Variants in FUZ observed in about 807,000 individuals in gnomAD.
FUZ encodes the protein protein fuzzy homolog.
A neutral mutation model predicts 43.1 loss-of-function variants in FUZ; 31 were observed. The observed-to-expected ratio is 0.72, with a 90% CI of 0.54 to 0.97. The LOEUF is 0.97. FUZ is among the 50% of genes least tolerant of loss of function. The probability of loss-of-function intolerance (pLI) is 0.00; values close to 1 mark genes in which losing one functional copy is unlikely to be tolerated. For synonymous variants in FUZ, 274 were observed against 250.0 expected (o/e 1.10, Z -0.91); for missense variants, 539 against 543.8 (o/e 0.99, Z 0.09).
chr19:49,808,233 C>G, intron 10 of FUZ, 181 bp downstream of exon 10: 1 of 697,202 alleles, frequency 1.4e-6, no homozygotes, highest in South Asian at 1.6e-5. Context: ...AGGCGGGGAC[C>G]TCCCTTCCCC....
At chr19:49,811,286 G>T in intron 5 of FUZ, 77 bp downstream of exon 5, 1 of 978,426 alleles carries the variant, frequency 1.0e-6, no homozygotes, top group Non-Finnish European at 1.6e-6. Flanking sequence ...TTGGGACAAT[G>T]GTCCAGAAGA....
At chr19:49,812,794 G>A in intron 1 of FUZ, 58 bp from the exon 2 acceptor site, 1 of 1,600,976 alleles carries the variant, frequency 6.2e-7, no homozygotes, top group Non-Finnish European at 8.5e-7. Context: ...TCCCCCTTAG[G>A]ACCCAAGTGT....
Position 49,809,215 on chromosome 19 carries a change from T to A in FUZ, c.734A>T (p.Glu245Val). The A allele has an allele frequency of 6.4e-7, 1 of 1,551,206 alleles. No individual in the cohort carries two copies. Among genetic ancestry groups the A allele is most frequent in the Non-Finnish European group, 8.7e-7 (1 of 1,147,034 alleles). ...GCTCGGCCCGCAGAGTAGACACAGC[T>A]CCAGGCTCGGCAGCAGAGTCAGGGT... ...LLTLTLLPSL[E>V]LCLLCGPSPP... The change falls in exon 7 of 11, where the codon GAG (glutamate) becomes GTG (valine). Residue 245 changes from glutamate (E) to valine (V), a missense_variant. Physicochemically the swap from Glu to Val is moderately radical, Grantham distance 121. Transcript: ENST00000313777. The surrounding 1 kb of genome is among the most constrained non-coding windows in gnomAD (Gnocchi z 5.1).
At position 49,807,164 on chromosome 19, in the gene FUZ, G is replaced by T. The variant is rs2073426276; in HGVS notation, c.1244C>A (p.Thr415Asn). ...SLATHTLHAL[T>N]PLL is the part of the protein sequence containing the mutation. ...ACTGCTAGGTAGTCAAAGAAGTGGG[G>T]TGAGGGCATGCAGAGTGTGGGTGGC... Residue 415 changes from threonine (T) to asparagine (N), a missense_variant, in exon 11 of 11, where the codon ACC (threonine) becomes AAC (asparagine). Coordinates refer to ENST00000313777, the MANE Select transcript of FUZ (RefSeq NM_025129.5). The T allele has an allele frequency of 1.2e-6, 2 of 1,613,268 alleles. No homozygotes were observed. Among genetic ancestry groups the T allele is most frequent in the Admixed American group, 1.7e-5 (1 of 59,914 alleles).
Position 49,808,488 on chromosome 19 carries a change from T to C in FUZ, c.959A>G (p.Glu320Gly), listed in dbSNP as rs142342064. 1.2e-6 allele frequency: 2 copies of C among 1,611,256 alleles called. No homozygotes were observed. The highest frequency in any genetic ancestry group is 2.7e-5 in the African/African-American group (2 of 74,896). Residue 320 changes from glutamate to glycine, a missense_variant and splice_region_variant, in exon 10 of 11, where the codon GAG becomes GGG. By Grantham distance (98) the Glu-to-Gly change is moderately conservative. Transcript: ENST00000313777. Reference sequence around the variant, plus strand: ...GCGCCGGCGCTGTTCTGGTGAAGGCTCTGCTGGGAGGAAAAGGCGGTGATG... The same window carrying C: ...GCGCCGGCGCTGTTCTGGTGAAGGCCCTGCTGGGAGGAAAAGGCGGTGATG... ...LFTVEPLGDK[E>G]PSPEQRRRLL...
chr19:49,807,372 G>A lies in FUZ; in HGVS notation c.1036C>T (p.Pro346Ser), dbSNP rs748146105. The A allele has an allele frequency of 1.5e-5, 24 of 1,611,492 alleles. No homozygotes were observed. The Middle Eastern group carries it at 8.3e-4, about 55-fold the overall frequency. ...TCTTCTGTCTTCTCTGGTGGCCCTG[G>A]CTCTGGAGAAAGAACAGGGGGCACT... is the stretch of plus-strand genomic sequence containing the variant. ...LVTSTHFPPE[P>S]GPPEKTEDEV... The change falls in exon 11 of 11, where the codon CCA becomes TCA. Residue 346 changes from proline (P) to serine (S), a missense_variant and splice_region_variant. Coordinates refer to ENST00000313777, the MANE Select transcript of FUZ (RefSeq NM_025129.5).
At position 49,809,892 on chromosome 19, in the gene FUZ, C is replaced by G; in HGVS notation, c.493-317G>C. 2.2e-6 allele frequency: 1 copy of G among 457,340 alleles called. No individual in the cohort carries two copies. Among genetic ancestry groups the G allele is most frequent in the Non-Finnish European group, 4.0e-6 (1 of 247,748 alleles). 28.3% of individuals were successfully genotyped at this position (457,340 alleles called of 1,614,324 possible). ...CATGCCGAGTAGGCACCATTAGCAA[C>G]GTAGAGAAGCCAAGTCACCTGCTGA... On this transcript the variant is annotated intron_variant, in intron 5 of 10. Transcript: ENST00000313777. The surrounding 1 kb of genome is among the most constrained non-coding windows in gnomAD (Gnocchi z 5.1).
In FUZ at chr19:49,812,641, AGTCGT is replaced by A; in HGVS notation, c.202_206del (p.Thr68CysfsTer8). 3.1e-6 allele frequency: 5 copies of A among 1,614,018 alleles called. No homozygotes were observed. Among genetic ancestry groups the A allele is most frequent in the Non-Finnish European group, 4.2e-6 (5 of 1,179,994 alleles). On this transcript the variant is annotated frameshift_variant, in exon 2 of 11. Transcript: ENST00000313777. LOFTEE classifies it high-confidence loss of function. ...TGTCATGGAAGCTTTTCCACACCAC[AGTCGT>A]GTTCTCGGTCCTCGCAGAGCTCAGC...
intron 10 of FUZ, 75 bp downstream of exon 10, chr19:49,808,339 T>C: frequency 6.8e-7 from 1 of 1,471,876 alleles, no homozygotes; most frequent in Non-Finnish European, 9.3e-7. Flanking sequence ...CAACCCCACC[T>C]CCTACTCCCA....
intron 2 of FUZ, 27 bp downstream of exon 2, chr19:49,812,588 C>A: frequency 6.2e-7 from 1 of 1,614,098 alleles, no homozygotes; most frequent in South Asian, 1.1e-5. Flanking sequence ...CAGGCCCTGT[C>A]CCTGTCCCAC....
At chr19:49,811,326 A>T in intron 5 of FUZ, 37 bp downstream of exon 5, 1 of 1,420,692 alleles carries the variant, frequency 7.0e-7, no homozygotes, top group Non-Finnish European at 9.8e-7. Context: ...CAGGGCCAGC[A>T]GAACAGGTGT....
In FUZ at chr19:49,808,814, GC is replaced by G; in HGVS notation, c.795del (p.Glu265AspfsTer42). The G allele has an allele frequency of 6.5e-7, 1 of 1,549,614 alleles. No homozygotes were observed. The highest frequency in any genetic ancestry group is 1.7e-4 in the Middle Eastern group (1 of 5,996). ...GGGTCCAGCAGTGGCTGCCACCAGCGCTCCAGAAGCTGCAGGGGGCGTGGTC... is the reference window on the plus strand; with the variant it reads ...GGGTCCAGCAGTGGCTGCCACCAGCGTCCAGAAGCTGCAGGGGGCGTGGTC... ...PLSQLYPQLL[E>X]RWWQPLLDPL... On this transcript the variant is annotated frameshift_variant, in exon 8 of 11. Coordinates refer to ENST00000313777, the MANE Select transcript of FUZ (RefSeq NM_025129.5). LOFTEE classifies it high-confidence loss of function.
At position 49,806,889 on chromosome 19, in the gene FUZ, C is replaced by T. The variant is rs2123777169; in HGVS notation, c.*262G>A. On this transcript the variant is annotated 3_prime_UTR_variant, in exon 11 of 11. Coordinates refer to ENST00000313777, the MANE Select transcript of FUZ (RefSeq NM_025129.5). ...GGTTTGGGGGATGCCTGGGACTTTC[C>T]TCCGGCCTTTTGTATTTTTATTTTT... The T allele has an allele frequency of 6.5e-7, 1 of 1,548,760 alleles. No individual in the cohort carries two copies. The highest frequency in any genetic ancestry group is 8.7e-7 in the Non-Finnish European group (1 of 1,151,754).
chr19:49,808,500 A>C lies in FUZ; in HGVS notation c.959-12T>G. 6.2e-7 allele frequency: 1 copy of C among 1,609,148 alleles called. No homozygotes were observed. Among genetic ancestry groups the C allele is most frequent in the South Asian group, 1.1e-5 (1 of 90,358 alleles). On this transcript the variant is annotated splice_polypyrimidine_tract_variant and intron_variant, in intron 9 of 10. Transcript: ENST00000313777. The stretch of plus-strand genomic sequence containing the variant: ...TTCTGGTGAAGGCTCTGCTGGGAGG[A>C]AAAGGCGGTGATGCAGAGCGCCTCC...
At chr19:49,810,785 G>GCTCACTACAT (rs2073738487) in intron 5 of FUZ, among the ~76,000 whole-genome samples, 5 of 152,192 alleles carry the variant, frequency 3.3e-5, no homozygotes, top group African/African-American at 9.6e-5. Context: ...AGGAGTTCAA[G>GCTCACTACAT]GCTGCAGTGA....
At chr19:49,808,092 T>G in intron 10 of FUZ, 1 of 417,898 alleles carries the variant, frequency 2.4e-6, no homozygotes, top group Non-Finnish European at 4.5e-6. Context: ...ATGGGAATGA[T>G]GAGGTAATGG....
chr19:49,811,794 T>A, intron 3 of FUZ, 95 bp from the exon 4 acceptor site: 2 of 1,018,074 alleles, frequency 2.0e-6, no homozygotes, highest in South Asian at 1.3e-5. Flanking sequence ...CTTCTGGGTC[T>A]GGGGACTGGG....
intron 1 of FUZ, 112 bp from the exon 2 acceptor site, chr19:49,812,848 C>T: frequency 6.9e-7 from 1 of 1,456,984 alleles, no homozygotes; most frequent in Admixed American, 1.7e-5. Context: ...CCTGGCAGTG[C>T]CTCTTTGGGG....
In FUZ at chr19:49,809,855, C is replaced by T. The variant is rs927777113; in HGVS notation, c.493-280G>A. 15 of 540,562 alleles carry T rather than the reference C, an allele frequency of 2.8e-5. No homozygotes were observed. The highest frequency in any genetic ancestry group is 1.9e-4 in the African/African-American group (10 of 52,684). 33.5% of individuals were successfully genotyped at this position (540,562 alleles called of 1,614,324 possible). On this transcript the variant is annotated intron_variant, in intron 5 of 10. Coordinates refer to ENST00000313777, the MANE Select transcript of FUZ (RefSeq NM_025129.5). The surrounding 1 kb of genome is among the most constrained non-coding windows in gnomAD (Gnocchi z 5.1). ...TGTAACCGCAGCAGCTACCGTTCAT[C>T]CAGGCCTGTTACATGCCGAGTAGGC...
Sources: allele counts gnomAD v4.1 joint callset (sites outside exome capture counted in the v4.1 genomes callset), GRCh38; gene constraint gnomAD v4.1.1; non-coding constraint Gnocchi (gnomAD v3.1); transcripts MANE v1.5; gene names NCBI Gene and HGNC (gene_info 2026-07-23, HGNC 2026-07-21).